Variants in NAV2 observed in about 807,000 individuals in gnomAD.
NAV2 encodes the protein neuron navigator 2.
In NAV2, 54 loss-of-function variants were observed where a neutral mutation model predicts 223.2. That is an observed-to-expected ratio of 0.24 (90% confidence interval 0.19 to 0.30). The LOEUF (loss-of-function observed/expected upper bound fraction) is 0.30, where lower values mean the gene tolerates loss of function less well. Ranked by LOEUF, NAV2 falls within the 10% of genes least tolerant of loss-of-function variation. The pLI, the probability that NAV2 is intolerant of heterozygous loss-of-function variation, is 1.00. For synonymous variants in NAV2, 1,279 were observed against 1,239.3 expected (o/e 1.03, Z -0.67); for missense variants, 2,806 against 3,147.5 (o/e 0.89, Z 2.60).
chr11:20,100,493 G>A (rs777672336), intron 31 of NAV2, among the ~76,000 whole-genome samples: 1 of 152,074 alleles, frequency 6.6e-6, no homozygotes. Flanking sequence ...GGTTGTGACA[G>A]ACAGGACTCA....
chr11:19,478,743 T>A (rs2042195222), intron 1 of NAV2, among the ~76,000 whole-genome samples: 1 of 152,178 alleles, frequency 6.6e-6, no homozygotes, highest in Non-Finnish European at 1.5e-5. Flanking sequence ...CTCAGCCCCA[T>A]CTCCACTTTC....
At chr11:19,608,244 A>T (rs1054967752) in intron 1 of NAV2, among the ~76,000 whole-genome samples, 1 of 152,258 alleles carries the variant, frequency 6.6e-6, no homozygotes, top group Non-Finnish European at 1.5e-5. Flanking sequence ...AGGTGTGTTC[A>T]TAAGTGGTAA....
chr11:20,091,023 G>C lies in NAV2; in HGVS notation c.5652+5G>C, dbSNP rs1283592625. ...GAGGCCATGAACAGGATGCAGGTGA[G>C]AGCCCAGGAGCATGGGCTGAGCTCA... On this transcript the variant is annotated splice_donor_5th_base_variant and intron_variant, in intron 27 of 37. Coordinates refer to ENST00000349880, the MANE Select transcript of NAV2 (RefSeq NM_145117.5). 6.2e-7 allele frequency: 1 copy of C among 1,612,450 alleles called. No homozygotes were observed. Among genetic ancestry groups the C allele is most frequent in the Non-Finnish European group, 8.5e-7 (1 of 1,179,746 alleles).
intron 11 of NAV2, among the ~76,000 whole-genome samples, chr11:20,019,394 G>A (rs1244420242): frequency 6.6e-6 from 1 of 152,134 alleles, no homozygotes; most frequent in East Asian, 1.9e-4. Flanking sequence ...CTTTGGGAGT[G>A]GGGGTGCGGA....
chr11:19,790,451 C>T (rs1031252613), intron 1 of NAV2, among the ~76,000 whole-genome samples: 5 of 152,122 alleles, frequency 3.3e-5, no homozygotes, highest in Non-Finnish European at 7.4e-5. Context: ...TCAGCACCCA[C>T]GAGTTTTTAT....
At chr11:19,537,078 T>C (rs1397951300) in intron 1 of NAV2, among the ~76,000 whole-genome samples, 1 of 152,172 alleles carries the variant, frequency 6.6e-6, no homozygotes, top group Admixed American at 6.5e-5. Flanking sequence ...CCTTGTGAGG[T>C]CTATGGTGGG....
upstream of NAV2, among the ~76,000 whole-genome samples, chr11:19,708,448 T>C (rs768917947): frequency 5.9e-5 from 9 of 152,188 alleles, no homozygotes; most frequent in Non-Finnish European, 1.3e-4. Flanking sequence ...GGCTGTAGAC[T>C]TTTCCCCCCA....
At chr11:20,050,022 A>G (rs2057822921) in intron 16 of NAV2, 121 bp downstream of exon 16, 1 of 846,314 alleles carries the variant, frequency 1.2e-6, no homozygotes, top group Non-Finnish European at 2.0e-6. Context: ...TTGTGGCTCT[A>G]GTGTACTCTG....
intron 1 of NAV2, among the ~76,000 whole-genome samples, chr11:19,819,579 G>T (rs919018381): frequency 3.9e-5 from 6 of 152,190 alleles, no homozygotes; most frequent in Admixed American, 6.5e-5. Context: ...AGGGACTGAG[G>T]GTTAGAGTAG....
intron 3 of NAV2, 151 bp from the exon 4 acceptor site, chr11:19,868,774 T>C: frequency 1.5e-6 from 1 of 656,982 alleles, no homozygotes; most frequent in Non-Finnish European, 2.5e-6. Context: ...ACCTTTTTCC[T>C]GTGCAAGTAC....
intron 1 of NAV2, among the ~76,000 whole-genome samples, chr11:19,596,314 A>C (rs1402520846): frequency 6.6e-6 from 1 of 152,134 alleles, no homozygotes; most frequent in Non-Finnish European, 1.5e-5. Flanking sequence ...TAAATCCTAG[A>C]CTTGCCCTAG....
At chr11:19,942,808 G>A (rs1245841795) in intron 8 of NAV2, among the ~76,000 whole-genome samples, 1 of 152,072 alleles carries the variant, frequency 6.6e-6, no homozygotes, top group Non-Finnish European at 1.5e-5. Context: ...ACACATAGAA[G>A]ACCTCATCTC....
chr11:19,944,995 A>G (rs111210607), intron 8 of NAV2, among the ~76,000 whole-genome samples: 1 of 62,562 alleles, frequency 1.6e-5, no homozygotes, highest in Non-Finnish European at 3.5e-5. Context: ...TTCCCTTTCC[A>G]TTTCCATTTT....
At chr11:20,103,860 A>G in intron 34 of NAV2, 136 bp downstream of exon 34, 1 of 795,824 alleles carries the variant, frequency 1.3e-6, no homozygotes, top group Non-Finnish European at 2.1e-6. Context: ...AGCTTAATCC[A>G]TTTAATTTTA....
At chr11:19,845,392 C>A (rs2060744771) in intron 3 of NAV2, among the ~76,000 whole-genome samples, 1 of 152,102 alleles carries the variant, frequency 6.6e-6, no homozygotes, top group South Asian at 2.1e-4. Context: ...AGATGACACA[C>A]AATGAGATGA....
chr11:19,482,780 TG>T (rs1405209134), intron 1 of NAV2, among the ~76,000 whole-genome samples: 1 of 152,192 alleles, frequency 6.6e-6, no homozygotes, highest in African/African-American at 2.4e-5. Context: ...GTTTAAGACA[TG>T]GGTAAATGGG....
chr11:19,870,134 G>A (rs529446364), intron 4 of NAV2, among the ~76,000 whole-genome samples: 40 of 152,258 alleles, frequency 2.6e-4, no homozygotes, highest in African/African-American at 9.1e-4. Flanking sequence ...TCCAGAGTTC[G>A]CAGAAGCAGT....
chr11:19,594,588 G>C (rs2046155235), intron 1 of NAV2, among the ~76,000 whole-genome samples: 1 of 152,154 alleles, frequency 6.6e-6, no homozygotes, highest in Non-Finnish European at 1.5e-5. Context: ...CAGGAATTGA[G>C]TGCAAATAAT....
chr11:20,054,123 GA>G lies in NAV2; in HGVS notation c.4527del (p.Glu1509AspfsTer26). On this transcript the variant is annotated frameshift_variant, in exon 18 of 38. Transcript: ENST00000349880. LOFTEE classifies it high-confidence loss of function. Reference protein sequence around the residue: ...SQLRTQEDAKEWLRSHSAGGL... With the variant: ...SQLRTQEDAKXWLRSHSAGGL... ...GCTTCGCACGCAAGAAGATGCAAAA[GA>G]ATGGTTACGGTCCCATTCTGCAGGA... 1 of 1,613,046 alleles carries G rather than the reference GA, an allele frequency of 6.2e-7. No homozygotes were observed. The highest frequency in any genetic ancestry group is 8.5e-7 in the Non-Finnish European group (1 of 1,179,818).
Sources: gnomAD v4.1 joint callset for allele counts (sites outside exome capture counted in the v4.1 genomes callset) on GRCh38, gnomAD v4.1.1 for gene constraint, MANE v1.5 for transcripts, NCBI Gene and HGNC (gene_info 2026-07-23, HGNC 2026-07-21) for gene names.